The following WDR70 variants were observed in gnomAD, a reference collection of about 807,000 sequenced individuals.
The protein encoded by WDR70 is WD repeat domain 70.
A neutral mutation model predicts 88.6 loss-of-function variants in WDR70; 53 were observed. The observed-to-expected ratio is 0.60, with a 90% CI of 0.48 to 0.75. The LOEUF (loss-of-function observed/expected upper bound fraction) is 0.75, where lower values mean the gene tolerates loss of function less well. Among genes scored for constraint, WDR70 ranks in the 30% least tolerant of loss-of-function variants. WDR70 has a pLI of 0.00. For missense variants in WDR70, 610 were observed against 823.2 expected, an observed-to-expected ratio of 0.74 and a Z score of 3.17; for synonymous variants, 280 against 270.0, an observed-to-expected ratio of 1.04 and a Z score of -0.36.
intron 17 of WDR70, among the ~76,000 whole-genome samples, chr5:37,733,991 T>C (rs992715024): frequency 2.0e-5 from 3 of 152,070 alleles, no homozygotes; most frequent in African/African-American, 2.4e-5. Context: ...GCTACATATA[T>C]GTGTGTTATT....
chr5:37,417,591 T>C (rs528850180), intron 5 of WDR70, among the ~76,000 whole-genome samples: 126 of 150,264 alleles, frequency 8.4e-4, no homozygotes, highest in African/African-American at 3.0e-3. Flanking sequence ...CAGCCTGGAG[T>C]GCAGTGGCAC....
At chr5:37,491,078 T>A (rs1299721424) in intron 8 of WDR70, among the ~76,000 whole-genome samples, 1 of 152,128 alleles carries the variant, frequency 6.6e-6, no homozygotes, top group Non-Finnish European at 1.5e-5. Context: ...TATACCAGTC[T>A]CAGCTTGTCA....
intron 9 of WDR70, among the ~76,000 whole-genome samples, chr5:37,597,890 T>C (rs1743750168): frequency 6.6e-6 from 1 of 152,256 alleles, no homozygotes; most frequent in African/African-American, 2.4e-5. Context: ...TTAGGGATTG[T>C]ATTTAAGAAA....
intron 5 of WDR70, among the ~76,000 whole-genome samples, chr5:37,425,250 C>T (rs1750086321): frequency 6.6e-6 from 1 of 151,824 alleles, no homozygotes; most frequent in East Asian, 1.9e-4. Context: ...GACCCTATCT[C>T]AAAAAAACAA....
At chr5:37,589,108 G>T (rs1443402758) in intron 9 of WDR70, among the ~76,000 whole-genome samples, 1 of 151,894 alleles carries the variant, frequency 6.6e-6, no homozygotes, top group Admixed American at 6.6e-5. Flanking sequence ...GTTCAGGCTG[G>T]TCTAGAACTC....
chr5:37,495,287 T>G (rs570872244), intron 8 of WDR70, among the ~76,000 whole-genome samples: 86 of 152,280 alleles, frequency 5.6e-4, no homozygotes, highest in Non-Finnish European at 5.9e-5. Context: ...ATTTCGTCTC[T>G]TCTTGGGGGT....
chr5:37,428,493 A>G (rs970214797), intron 5 of WDR70, among the ~76,000 whole-genome samples: 4 of 152,192 alleles, frequency 2.6e-5, no homozygotes, highest in East Asian at 1.9e-4. Context: ...AATTTAGCCC[A>G]TTCTAGAATT....
chr5:37,428,700 T>C (rs1425355530), intron 5 of WDR70, among the ~76,000 whole-genome samples: 1 of 152,250 alleles, frequency 6.6e-6, no homozygotes, highest in Non-Finnish European at 1.5e-5. Flanking sequence ...GGTTTTTGGC[T>C]ATTCTGTATA....
chr5:37,531,332 C>A (rs1741476597), intron 9 of WDR70, among the ~76,000 whole-genome samples: 1 of 151,996 alleles, frequency 6.6e-6, no homozygotes, highest in African/African-American at 2.4e-5. Context: ...TCCATTATTT[C>A]TTTGTTGCCT....
At chr5:37,752,359 T>C (rs992421673) in intron 17 of WDR70, 127 bp from the exon 18 acceptor site, 18 of 630,650 alleles carry the variant, frequency 2.9e-5, no homozygotes, top group Non-Finnish European at 5.0e-5. Flanking sequence ...GTTTAATGAT[T>C]TATATTTAAT....
At chr5:37,728,500 A>G (rs1190125751) in intron 17 of WDR70, among the ~76,000 whole-genome samples, 1 of 151,822 alleles carries the variant, frequency 6.6e-6, no homozygotes, top group Non-Finnish European at 1.5e-5. Context: ...CCTATGTTTC[A>G]TGATTTTGAT....
chr5:37,394,057 A>G (rs1394220413), intron 4 of WDR70, among the ~76,000 whole-genome samples: 1 of 152,172 alleles, frequency 6.6e-6, no homozygotes, highest in Non-Finnish European at 1.5e-5. Flanking sequence ...CTGTAATCCC[A>G]GCACTTTGGG....
chr5:37,541,332 C>A (rs1470818694), intron 9 of WDR70, among the ~76,000 whole-genome samples: 9 of 151,960 alleles, frequency 5.9e-5, no homozygotes, highest in Non-Finnish European at 1.3e-4. Flanking sequence ...CTAAAACTTT[C>A]AGCTGTGGGG....
chr5:37,565,745 C>T (rs992523629), intron 9 of WDR70, among the ~76,000 whole-genome samples: 22 of 151,978 alleles, frequency 1.4e-4, no homozygotes, highest in Middle Eastern at 3.4e-3. Flanking sequence ...AGTGTCATTT[C>T]TATGTTTTGA....
intron 13 of WDR70, among the ~76,000 whole-genome samples, chr5:37,715,166 A>C (rs922246164): frequency 6.6e-6 from 1 of 152,144 alleles, no homozygotes; most frequent in Admixed American, 6.5e-5. Context: ...CATCTGTATC[A>C]AATGTGTATG....
intron 7 of WDR70, among the ~76,000 whole-genome samples, chr5:37,460,489 A>G (rs1374077125): frequency 9.5e-5 from 6 of 63,384 alleles, no homozygotes; most frequent in Admixed American, 4.1e-4. Flanking sequence ...GAATTGAACA[A>G]TGAGATCACA....
intron 8 of WDR70, among the ~76,000 whole-genome samples, chr5:37,515,909 G>A (rs1019496801): frequency 2.0e-5 from 3 of 152,122 alleles, no homozygotes; most frequent in Admixed American, 1.3e-4. Context: ...GTCAGTTTAC[G>A]TATATCAGCA....
intron 8 of WDR70, chr5:37,506,280 G>A: frequency 1.1e-6 from 1 of 923,126 alleles, no homozygotes; most frequent in South Asian, 1.3e-5. Context: ...ATCCTCTGGT[G>A]ATTGAGAATT....
chr5:37,485,745 G>A (rs1581326849), intron 8 of WDR70, among the ~76,000 whole-genome samples: 1 of 152,002 alleles, frequency 6.6e-6, no homozygotes, highest in East Asian at 1.9e-4. Flanking sequence ...AGGCTGGAGT[G>A]CAGTGGTGCA....
Sources: gnomAD v4.1 joint callset for allele counts (sites outside exome capture counted in the v4.1 genomes callset) on GRCh38, gnomAD v4.1.1 for gene constraint, MANE v1.5 for transcripts, NCBI Gene and HGNC (gene_info 2026-07-23, HGNC 2026-07-21) for gene names.